Variants in TNFRSF8 observed in about 807,000 individuals in gnomAD.
TNFRSF8 encodes the protein TNF receptor superfamily member 8.
In TNFRSF8, 26 loss-of-function variants were observed where a neutral mutation model predicts 70.8. That is an observed-to-expected ratio of 0.37 (90% confidence interval 0.27 to 0.51). The LOEUF is 0.51. TNFRSF8 is among the 20% of genes least tolerant of loss of function. The pLI, the probability that TNFRSF8 is intolerant of heterozygous loss-of-function variation, is 0.94. For synonymous variants in TNFRSF8, 356 were observed against 339.2 expected (o/e 1.05, Z -0.54); for missense variants, 720 against 807.9 (o/e 0.89, Z 1.32).
At chr1:12,097,749 G>T (rs191452573) in intron 3 of TNFRSF8, among the ~76,000 whole-genome samples, 1 of 151,924 alleles carries the variant, frequency 6.6e-6, no homozygotes, top group Non-Finnish European at 1.5e-5. Flanking sequence ...GGATTTTTTT[G>T]GGGGGTAGGG....
intron 14 of TNFRSF8, among the ~76,000 whole-genome samples, chr1:12,140,473 CTGGACTCTGG>C (rs912085172): frequency 1.3e-5 from 2 of 152,194 alleles, no homozygotes; most frequent in African/African-American, 4.8e-5. Flanking sequence ...GATGAATTCC[CTGGACTCTGG>C]AGCTCTGGGG....
chr1:12,137,849 A>T (rs1211150291), intron 13 of TNFRSF8, among the ~76,000 whole-genome samples: 1 of 151,906 alleles, frequency 6.6e-6, no homozygotes, highest in Non-Finnish European at 1.5e-5. Flanking sequence ...TCAGATACTT[A>T]TTGATGGTAT....
rs1202982486 is a variant in TNFRSF8, at chr1:12,083,339, C to T, written c.64-1125C>T. On this transcript the variant is annotated intron_variant, in intron 1 of 14. Coordinates refer to ENST00000263932, the MANE Select transcript of TNFRSF8 (RefSeq NM_001243.5). ...AAGCGTGTACGTTTGGACACTAAAACGTGTGTACAGGAATGTTCCCAGCAG... is the reference window on the plus strand; with the variant it reads ...AAGCGTGTACGTTTGGACACTAAAATGTGTGTACAGGAATGTTCCCAGCAG... 2.0e-5 allele frequency among the ~76,000 whole-genome samples: 3 copies of T among 152,152 alleles called. No homozygotes were observed. The South Asian group carries it at 6.2e-4, about 32-fold the overall frequency.
chr1:12,072,094 C>G (rs1021902689), intron 1 of TNFRSF8, among the ~76,000 whole-genome samples: 1 of 152,160 alleles, frequency 6.6e-6, no homozygotes, highest in African/African-American at 2.4e-5. Context: ...AGTTAAGTTA[C>G]CTCTGTGTGC....
At chr1:12,106,520 G>A (rs1457608997) in intron 4 of TNFRSF8, among the ~76,000 whole-genome samples, 2 of 152,158 alleles carry the variant, frequency 1.3e-5, no homozygotes, top group African/African-American at 4.8e-5. Context: ...CAAAGACCAT[G>A]CCCCTGGTGT....
intron 3 of TNFRSF8, among the ~76,000 whole-genome samples, chr1:12,101,917 C>T (rs578009529): frequency 7.9e-5 from 12 of 152,088 alleles, no homozygotes; most frequent in Admixed American, 3.9e-4. Context: ...TCAGGTTATC[C>T]GCCCTCCTCG....
intron 1 of TNFRSF8, among the ~76,000 whole-genome samples, chr1:12,068,213 G>A (rs1488222274): frequency 6.6e-6 from 1 of 152,184 alleles, no homozygotes; most frequent in Non-Finnish European, 1.5e-5. Flanking sequence ...GGATGACTGT[G>A]TCTGGCCCGG....
intron 8 of TNFRSF8, 127 bp downstream of exon 8, chr1:12,115,856 G>C (rs1469607881): frequency 1.9e-6 from 2 of 1,039,252 alleles, no homozygotes; most frequent in African/African-American, 3.3e-5. Context: ...ATTAGGTCAG[G>C]TTTGGGTTCT....
Position 12,109,967 on chromosome 1 carries a change from C to T in TNFRSF8, c.513-74C>T. On this transcript the variant is annotated intron_variant, in intron 5 of 14. Transcript: ENST00000263932. The surrounding 1 kb of genome is among the most constrained non-coding windows in gnomAD (Gnocchi z 4.4). ...GCCTGGGACCCCATCTCTGTGGAAA[C>T]TGTTACTCGTGAGCACAGGCCTCCC... is the stretch of plus-strand genomic sequence containing the variant. The T allele has an allele frequency of 1.3e-6, 2 of 1,538,130 alleles. No individual in the cohort carries two copies. Among genetic ancestry groups the T allele is most frequent in the South Asian group, 1.2e-5 (1 of 81,320 alleles).
At chr1:12,127,006 G>A (rs1287323910) in intron 12 of TNFRSF8, among the ~76,000 whole-genome samples, 1 of 152,178 alleles carries the variant, frequency 6.6e-6, no homozygotes, top group African/African-American at 2.4e-5. Context: ...TCCCTGCCCA[G>A]CCTCTGGGCC....
intron 8 of TNFRSF8, among the ~76,000 whole-genome samples, chr1:12,116,590 C>G (rs1345053664): frequency 6.6e-6 from 1 of 152,028 alleles, no homozygotes; most frequent in East Asian, 1.9e-4. Flanking sequence ...CACTTGAGGT[C>G]AGGAGTTCAA....
chr1:12,092,899 A>G (rs1641269999), intron 2 of TNFRSF8, among the ~76,000 whole-genome samples: 2 of 150,782 alleles, frequency 1.3e-5, no homozygotes, highest in South Asian at 2.1e-4. Flanking sequence ...TCCACCTCCC[A>G]GGTTCAAGTG....
intron 4 of TNFRSF8, among the ~76,000 whole-genome samples, chr1:12,106,283 C>T (rs1641522681): frequency 6.6e-6 from 1 of 151,978 alleles, no homozygotes; most frequent in Non-Finnish European, 1.5e-5. Flanking sequence ...CACCCGCCCT[C>T]TGCACGTGCT....
At chr1:12,123,251 C>T (rs1038467421) in intron 8 of TNFRSF8, 33 bp from the exon 9 acceptor site, 19 of 1,575,148 alleles carry the variant, frequency 1.2e-5, no homozygotes, top group Admixed American at 3.5e-5. Flanking sequence ...GCCTCCTTGG[C>T]GCTGGTTCTC....
At position 12,142,166 on chromosome 1, in the gene TNFRSF8, C is replaced by T; in HGVS notation, c.1544-121C>T. 7.5e-7 allele frequency: 1 copy of T among 1,334,612 alleles called. No individual in the cohort carries two copies. Among genetic ancestry groups the T allele is most frequent in the South Asian group, 1.5e-5 (1 of 65,362 alleles). The allele number at this position is 1,334,612 out of a possible 1,614,324, so 82.7% of individuals were successfully genotyped here. A position where few individuals can be genotyped will look rare whatever the true frequency, so the allele number is the denominator to read the frequency against. ...GTAAGGTACATCAGAGAGGCTGTGC[C>T]ATCAGCCTGAAGCCACCCGGCAGGT... On this transcript the variant is annotated intron_variant, in intron 14 of 14. Transcript: ENST00000263932. This position sits in a 1 kb window ranked among gnomAD's most constrained non-coding sequence, Gnocchi z 5.0.
At chr1:12,111,268 G>T (rs1270131471) in intron 6 of TNFRSF8, among the ~76,000 whole-genome samples, 3 of 151,588 alleles carry the variant, frequency 2.0e-5, no homozygotes, top group South Asian at 4.2e-4. Flanking sequence ...TGCAACCTCC[G>T]CCTCCTGGGT....
At chr1:12,125,890 GC>G in intron 10 of TNFRSF8, 60 bp from the exon 11 acceptor site, 1 of 1,348,726 alleles carries the variant, frequency 7.4e-7, no homozygotes, top group Admixed American at 1.7e-5. Context: ...GTCGTCTGGG[GC>G]TGGGGCTGTC....
intron 14 of TNFRSF8, among the ~76,000 whole-genome samples, chr1:12,139,887 T>G (rs1247615112): frequency 1.3e-5 from 2 of 152,248 alleles, no homozygotes; most frequent in East Asian, 3.8e-4. Context: ...TCTGCCTGCC[T>G]TGGCCTCCCA....
At chr1:12,066,591 G>A (rs1390444682) in intron 1 of TNFRSF8, among the ~76,000 whole-genome samples, 1 of 152,112 alleles carries the variant, frequency 6.6e-6, no homozygotes, top group Non-Finnish European at 1.5e-5. Context: ...GACCTCAGGA[G>A]ATCCATCCAC....
Sources: allele counts gnomAD v4.1 joint callset (sites outside exome capture counted in the v4.1 genomes callset), GRCh38; gene constraint gnomAD v4.1.1; non-coding constraint Gnocchi (gnomAD v3.1); transcripts MANE v1.5; gene names NCBI Gene and HGNC (gene_info 2026-07-23, HGNC 2026-07-21).